The following CFAP97D2 variants were observed in gnomAD, a reference collection of about 807,000 sequenced individuals.
The protein encoded by CFAP97D2 is CFAP97 domain containing 2.
At chr13:114,204,925 T>C (rs1174262343) in intron 3 of CFAP97D2, among the ~76,000 whole-genome samples, 1 of 152,122 alleles carries the variant, frequency 6.6e-6, no homozygotes, top group Non-Finnish European at 1.5e-5. Flanking sequence ...GCAAATCAGA[T>C]ACGATTAGGG....
chr13:114,193,668 A>T (rs187451682), intron 1 of CFAP97D2, among the ~76,000 whole-genome samples: 13 of 152,370 alleles, frequency 8.5e-5, no homozygotes, highest in Admixed American at 8.5e-4. Flanking sequence ...ATTTTGGAGA[A>T]TATATTTATA....
At chr13:114,193,907 C>T (rs2080877457) in intron 1 of CFAP97D2, among the ~76,000 whole-genome samples, 1 of 152,198 alleles carries the variant, frequency 6.6e-6, no homozygotes, top group South Asian at 2.1e-4. Flanking sequence ...GCTGGGATTA[C>T]AGGTGTGAAC....
chr13:114,192,529 A>T lies in CFAP97D2; in HGVS notation c.91-3867A>T, dbSNP rs145888397. Among the ~76,000 whole-genome samples the T allele has an allele frequency of 9.8e-5, 15 of 152,348 alleles. 1 individual carries two copies. In the East Asian group the frequency reaches 2.9e-3, roughly 29 times the overall value. ...ACAGTTATCTATAGTTTCATAAGAA[A>T]ATTATACCAAACATTTGATGATCAG... On this transcript the variant is annotated intron_variant, in intron 1 of 4. Coordinates refer to ENST00000646158, the Ensembl canonical transcript of CFAP97D2.
rs564171189 is a variant in CFAP97D2, at chr13:114,185,090, C to T, written c.90+5670C>T. Among the ~76,000 whole-genome samples, 28 of 152,224 alleles carry T rather than the reference C, an allele frequency of 1.8e-4. No homozygotes were observed. The highest frequency in any genetic ancestry group is 3.4e-4 in the Non-Finnish European group (23 of 68,044). On this transcript the variant is annotated intron_variant, in intron 1 of 4. Coordinates refer to ENST00000646158, the Ensembl canonical transcript of CFAP97D2. This position sits in a 1 kb window ranked among gnomAD's most constrained non-coding sequence, Gnocchi z 5.2. The stretch of plus-strand genomic sequence containing the variant: ...ACAGCGGTGGGACCTCTGTGTCCCA[C>T]ATCCCCAAGGCAGCCAACTGTGCTG...
At position 114,189,176 on chromosome 13, in the gene CFAP97D2, T is replaced by C. The variant is rs2080860934; in HGVS notation, c.91-7220T>C. The stretch of plus-strand genomic sequence containing the variant: ...AGGAGCATCACTACAATCCCTAGGA[T>C]ATTAAAAGGATAATAAAGGGATACT... On this transcript the variant is annotated intron_variant, in intron 1 of 4. Transcript: ENST00000646158. The surrounding 1 kb of genome is among the most constrained non-coding windows in gnomAD (Gnocchi z 4.5). 6.6e-6 allele frequency among the ~76,000 whole-genome samples: 1 copy of C among 151,816 alleles called. No individual in the cohort carries two copies. Among genetic ancestry groups the C allele is most frequent in the African/African-American group, 2.4e-5 (1 of 41,390 alleles).
chr13:114,194,164 A>C (rs2080878069), intron 1 of CFAP97D2, among the ~76,000 whole-genome samples: 1 of 152,266 alleles, frequency 6.6e-6, no homozygotes, highest in South Asian at 2.1e-4. Context: ...TGATGGAATT[A>C]GAATATCTCC....
intron 4 of CFAP97D2, among the ~76,000 whole-genome samples, chr13:114,216,195 G>A (rs1215906804): frequency 4.6e-5 from 7 of 152,238 alleles, no homozygotes; most frequent in Non-Finnish European, 5.9e-5. Context: ...CTGTGTCTGC[G>A]ACACTCCTTC....
chr13:114,182,408 A>G (rs1193762228), intron 1 of CFAP97D2, among the ~76,000 whole-genome samples: 2 of 151,994 alleles, frequency 1.3e-5, no homozygotes, highest in Admixed American at 6.6e-5. Context: ...TCCCAGGGGC[A>G]GGCAGGAGAC....
At chr13:114,196,274 G>C (rs1016419317) in intron 1 of CFAP97D2, 122 bp from the exon 2 acceptor site, 2 of 397,300 alleles carry the variant, frequency 5.0e-6, no homozygotes, top group African/African-American at 4.1e-5. Flanking sequence ...GCCTCTTTCA[G>C]AACTTCAGGC....
rs556152419 is a variant in CFAP97D2 at position 114,198,748 on chromosome 13, A to T, written c.172-1577A>T. On this transcript the variant is annotated intron_variant, in intron 2 of 4. Transcript: ENST00000646158. Reference sequence around the variant, plus strand: ...GTCCCCGTGTGTACAGTCCCCGCTGAGGGGTGACGGCGCGTCCCCGTGCTT... The same window carrying T: ...GTCCCCGTGTGTACAGTCCCCGCTGTGGGGTGACGGCGCGTCCCCGTGCTT... Among the ~76,000 whole-genome samples the T allele has an allele frequency of 1.2e-4, 9 of 73,728 alleles. 3 individuals are homozygous for T. The highest frequency in any genetic ancestry group is 9.8e-4 in the Admixed American group (8 of 8,158). The allele number at this position is 73,728 out of a possible 152,430, so 48.4% of individuals were successfully genotyped here.
intron 1 of CFAP97D2, among the ~76,000 whole-genome samples, chr13:114,184,260 G>A (rs2080847261): frequency 6.6e-6 from 1 of 152,172 alleles, no homozygotes; most frequent in Admixed American, 6.5e-5. Flanking sequence ...TAACAAAGGT[G>A]TAACTTACTT....
intron 4 of CFAP97D2, among the ~76,000 whole-genome samples, chr13:114,220,958 C>G (rs918734819): frequency 1.3e-5 from 2 of 152,250 alleles, no homozygotes; most frequent in Admixed American, 6.5e-5. Context: ...GTGAAAGTGA[C>G]TCACACTTGG....
At chr13:114,191,037 A>G (rs561350305) in intron 1 of CFAP97D2, among the ~76,000 whole-genome samples, 2 of 152,366 alleles carry the variant, frequency 1.3e-5, no homozygotes, top group East Asian at 3.9e-4. Flanking sequence ...GAAGAAGAGG[A>G]ATCCAGACAC....
At chr13:114,195,215 G>A (rs904489620) in intron 1 of CFAP97D2, among the ~76,000 whole-genome samples, 2 of 152,226 alleles carry the variant, frequency 1.3e-5, no homozygotes, top group East Asian at 1.9e-4. Context: ...TCGTTCACAC[G>A]TAGTGACAGA....
rs889321641 is a variant in CFAP97D2 at position 114,187,336 on chromosome 13, T to C, written c.90+7916T>C. On this transcript the variant is annotated intron_variant, in intron 1 of 4. Transcript: ENST00000646158. This position sits in a 1 kb window ranked among gnomAD's most constrained non-coding sequence, Gnocchi z 4.2. ...CTATTTATCCAACTATATTAATCAC[T>C]TTGTAAGAGTAGATTAAAAAAAAAA... 6.6e-6 allele frequency among the ~76,000 whole-genome samples: 1 copy of C among 151,570 alleles called. No individual in the cohort carries two copies. The highest frequency in any genetic ancestry group is 1.5e-5 in the Non-Finnish European group (1 of 67,914).
At chr13:114,190,864 T>C (rs2080866901) in intron 1 of CFAP97D2, among the ~76,000 whole-genome samples, 2 of 152,344 alleles carry the variant, frequency 1.3e-5, no homozygotes, top group Admixed American at 6.5e-5. Context: ...CTGAAACTCA[T>C]GGACTTTGAG....
At chr13:114,198,062 A>ACTGCAACCTCCGCCTCC (rs1426098510) in intron 2 of CFAP97D2, among the ~76,000 whole-genome samples, 1 of 151,920 alleles carries the variant, frequency 6.6e-6, no homozygotes, top group Non-Finnish European at 1.5e-5. Context: ...ATCTCGGCTC[A>ACTGCAACCTCCGCCTCC]CTGCAACCTC....
At chr13:114,200,676 G>A (rs2080913723) in intron 3 of CFAP97D2, among the ~76,000 whole-genome samples, 1 of 152,188 alleles carries the variant, frequency 6.6e-6, no homozygotes, top group African/African-American at 2.4e-5. Context: ...CACAGTTAGC[G>A]GCTGTGAGCT....
At chr13:114,198,654 TTTAC>T (rs2080899049) in intron 2 of CFAP97D2, among the ~76,000 whole-genome samples, 1 of 96,852 alleles carries the variant, frequency 1.0e-5, no homozygotes, top group Non-Finnish European at 2.1e-5. Flanking sequence ...CGTCCCCGTG[TTTAC>T]GGTCCCCGCT....
Sources: allele counts gnomAD v4.1 joint callset (sites outside exome capture counted in the v4.1 genomes callset), GRCh38; gene constraint gnomAD v4.1.1; non-coding constraint Gnocchi (gnomAD v3.1); transcripts MANE v1.5; gene names NCBI Gene and HGNC (gene_info 2026-07-23, HGNC 2026-07-21).